The following KCNQ1 variants were observed in gnomAD, a reference collection of about 807,000 sequenced individuals.
The protein encoded by KCNQ1 is potassium voltage-gated channel subfamily Q member 1, also known as potassium voltage-gated channel subfamily KQT member 1.
A neutral mutation model predicts 72.4 loss-of-function variants in KCNQ1; 49 were observed. The observed-to-expected ratio is 0.68, with a 90% CI of 0.54 to 0.86. KCNQ1 has a LOEUF of 0.86. KCNQ1 is among the 40% of genes least tolerant of loss of function. The probability of loss-of-function intolerance (pLI) is 0.00; values close to 1 mark genes in which losing one functional copy is unlikely to be tolerated. For synonymous variants in KCNQ1, 450 were observed against 412.6 expected, an observed-to-expected ratio of 1.09 and a Z score of -1.10; for missense variants, 790 against 945.1, an observed-to-expected ratio of 0.84 and a Z score of 2.15.
At chr11:2,699,540 A>T in intron 11 of KCNQ1, 1 of 335,442 alleles carries the variant, frequency 3.0e-6, no homozygotes, top group East Asian at 4.9e-5. Flanking sequence ...GAGGAGGCCC[A>T]GGGAGGACCG....
chr11:2,530,845 G>A (rs1182511783), intron 2 of KCNQ1, among the ~76,000 whole-genome samples: 5 of 152,146 alleles, frequency 3.3e-5, no homozygotes, highest in Non-Finnish European at 2.9e-5. Flanking sequence ...GTGTCGCTGC[G>A]TGTGTGTACC....
intron 7 of KCNQ1, among the ~76,000 whole-genome samples, chr11:2,584,302 CAT>C (rs1189060481): frequency 1.6e-4 from 24 of 151,984 alleles, no homozygotes; most frequent in African/African-American, 4.1e-4. Flanking sequence ...GACATGTAGA[CAT>C]GTGTTAGTAT....
intron 8 of KCNQ1, among the ~76,000 whole-genome samples, chr11:2,586,844 G>A (rs1848599170): frequency 6.6e-6 from 1 of 152,108 alleles, no homozygotes; most frequent in African/African-American, 2.4e-5. Flanking sequence ...GGCCAGTGAT[G>A]ACAAGGCCAC....
At chr11:2,688,949 G>C (rs1487874704) in intron 11 of KCNQ1, 1 of 398,858 alleles carries the variant, frequency 2.5e-6, no homozygotes, top group Non-Finnish European at 4.4e-6. Context: ...CACCCACTGG[G>C]CCTAGGGCTC....
chr11:2,537,267 A>G lies in KCNQ1; in HGVS notation c.477+9249A>G, dbSNP rs542590293. On this transcript the variant is annotated intron_variant, in intron 2 of 15. Transcript: ENST00000155840. This position sits in a 1 kb window ranked among gnomAD's most constrained non-coding sequence, Gnocchi z 5.2. ...GCCTCTGGCTGCTTTGTGCCATGGC[A>G]GATTTGAGTCCTGCCATGGAGACCA... Among the ~76,000 whole-genome samples the G allele has an allele frequency of 6.6e-6, 1 of 152,112 alleles. No individual in the cohort carries two copies. Among genetic ancestry groups the G allele is most frequent in the African/African-American group, 2.4e-5 (1 of 41,406 alleles).
At position 2,803,966 on chromosome 11, in the gene KCNQ1, A is replaced by C. The variant is rs543413868; in HGVS notation, c.1794+25929A>C. On this transcript the variant is annotated intron_variant, in intron 15 of 15. Transcript: ENST00000155840. This position sits in a 1 kb window ranked among gnomAD's most constrained non-coding sequence, Gnocchi z 6.4. ...CGGCTCACACAGAGCCTTGGCCAGC[A>C]TGTGGCCGCAGCCCCAACTGCAGCG... 6.6e-6 allele frequency among the ~76,000 whole-genome samples: 1 copy of C among 151,796 alleles called. No individual in the cohort carries two copies. Among genetic ancestry groups the C allele is most frequent in the Non-Finnish European group, 1.5e-5 (1 of 67,982 alleles).
rs1380472106 is a variant in KCNQ1 at position 2,601,086 on chromosome 11, A to T, written c.1393+12232A>T. 9.2e-6 allele frequency among the ~76,000 whole-genome samples: 1 copy of T among 108,134 alleles called. No individual in the cohort carries two copies. The highest frequency in any genetic ancestry group is 1.6e-5 in the Non-Finnish European group (1 of 60,742). The allele number at this position is 108,134 out of a possible 152,430, so 70.9% of individuals were successfully genotyped here. Reference sequence around the variant, plus strand: ...CCATGCATATACCCTGCTACTTGTTAAAAAAAAAAAAAAAGTCTCTCCAGA... The same window carrying T: ...CCATGCATATACCCTGCTACTTGTTTAAAAAAAAAAAAAAGTCTCTCCAGA... On this transcript the variant is annotated intron_variant, in intron 10 of 15. Coordinates refer to ENST00000155840, the MANE Select transcript of KCNQ1 (RefSeq NM_000218.3). The surrounding 1 kb of genome is among the most constrained non-coding windows in gnomAD (Gnocchi z 5.2).
intron 11 of KCNQ1, chr11:2,667,682 G>A (rs988966622): frequency 5.0e-6 from 2 of 398,762 alleles, no homozygotes; most frequent in Non-Finnish European, 8.8e-6. Context: ...GGAGGCTGAA[G>A]CACGGAGGTG....
rs150172393 is a variant in KCNQ1 at position 2,570,733 on chromosome 11, C to T, written c.583C>T (p.Arg195Trp). 1.7e-5 allele frequency: 28 copies of T among 1,611,616 alleles called. No homozygotes were observed. The highest frequency in any genetic ancestry group is 2.2e-5 in the East Asian group (1 of 44,890). The change falls in exon 3 of 16, where the codon CGG (arginine) becomes TGG (tryptophan). Residue 195 changes from arginine to tryptophan, a missense_variant. Around this residue, in one of 5 missense-constraint regions of KCNQ1, gnomAD observed 294 missense variants for 323.3 expected, o/e 0.91. Coordinates refer to ENST00000155840, the MANE Select transcript of KCNQ1 (RefSeq NM_000218.3). ...VGLWGRLRFARKPISIIDLIV... is the reference protein window; with the variant it reads ...VGLWGRLRFAWKPISIIDLIV... ...CCTCTGGGGGCGGCTGCGCTTTGCC[C>T]GGAAGCCCATTTCCATCATCGGTGA...
rs933292891 is a variant in KCNQ1 at position 2,482,436 on chromosome 11, G to C, written c.386+36952G>C. Among the ~76,000 whole-genome samples the C allele has an allele frequency of 2.0e-5, 3 of 152,128 alleles. No individual in the cohort carries two copies. Among genetic ancestry groups the C allele is most frequent in the Non-Finnish European group, 4.4e-5 (3 of 68,038 alleles). On this transcript the variant is annotated intron_variant, in intron 1 of 15. Transcript: ENST00000155840. The surrounding 1 kb of genome is among the most constrained non-coding windows in gnomAD (Gnocchi z 5.7). The stretch of plus-strand genomic sequence containing the variant: ...CTGGGTTATTTCCTAATTGACTGCT[G>C]TAAATAGCATTGTGATGCAAATCCT...
At chr11:2,639,550 G>A (rs1849535562) in intron 10 of KCNQ1, 2 of 152,560 alleles carry the variant, frequency 1.3e-5, no homozygotes, top group Non-Finnish European at 2.9e-5. Context: ...ACCAAATGTT[G>A]CTGCCTGATT....
chr11:2,469,731 T>C (rs1039267769), intron 1 of KCNQ1, among the ~76,000 whole-genome samples: 1 of 151,952 alleles, frequency 6.6e-6, no homozygotes, highest in Non-Finnish European at 1.5e-5. Flanking sequence ...TGGAGTGCAG[T>C]GGCGCGATCT....
rs897572417 is a variant in KCNQ1, at chr11:2,848,287, G to A, written c.*284G>A. The A allele has an allele frequency of 2.2e-5, 14 of 640,076 alleles. 1 individual carries two copies. The highest frequency in any genetic ancestry group is 2.2e-5 in the Admixed American group (1 of 46,138). 39.6% of individuals were successfully genotyped at this position (640,076 alleles called of 1,614,324 possible). A position where few individuals can be genotyped will look rare whatever the true frequency, so the allele number is the denominator to read the frequency against. ...TGATGTTGACATCACTGGCATGGTGGTTGGGACCCAGTGGCAGGGCACAGG... is the reference window on the plus strand; with the variant it reads ...TGATGTTGACATCACTGGCATGGTGATTGGGACCCAGTGGCAGGGCACAGG... On this transcript the variant is annotated 3_prime_UTR_variant, in exon 16 of 16. Transcript: ENST00000155840.
intron 2 of KCNQ1, among the ~76,000 whole-genome samples, chr11:2,556,763 A>G (rs1848076540): frequency 1.3e-5 from 2 of 152,198 alleles, no homozygotes; most frequent in Non-Finnish European, 2.9e-5. Flanking sequence ...GGAGCCCACT[A>G]CAGTGGACAC....
rs976611480 is a variant in KCNQ1, at chr11:2,613,242, A to G, written c.1393+24388A>G. On this transcript the variant is annotated intron_variant, in intron 10 of 15. Transcript: ENST00000155840. The surrounding 1 kb of genome is among the most constrained non-coding windows in gnomAD (Gnocchi z 4.8). ...CAAAAGGTCTCACAGTCAGCCAAGG[A>G]TAAGTAGATAGCAGGAAACCTCTCT... 2 of 398,450 alleles carry G rather than the reference A, an allele frequency of 5.0e-6. No individual in the cohort carries two copies. Among genetic ancestry groups the G allele is most frequent in the Non-Finnish European group, 8.8e-6 (2 of 226,072 alleles). 24.7% of individuals were successfully genotyped at this position (398,450 alleles called of 1,614,324 possible).
chr11:2,770,258 G>C lies in KCNQ1; in HGVS notation c.1590+1339G>C, dbSNP rs112779971. Among the ~76,000 whole-genome samples the C allele has an allele frequency of 6.6e-3, 1,010 of 152,292 alleles. 10 individuals are homozygous for C. Among genetic ancestry groups the C allele is most frequent in the African/African-American group, 0.023 (956 of 41,558 alleles). ...CCTCAGCCTCCAGACTTCACAGGGCGGTCTGGGTGCAGACCCTGGCACAGG... is the reference window on the plus strand; with the variant it reads ...CCTCAGCCTCCAGACTTCACAGGGCCGTCTGGGTGCAGACCCTGGCACAGG... On this transcript the variant is annotated intron_variant, in intron 12 of 15. Coordinates refer to ENST00000155840, the MANE Select transcript of KCNQ1 (RefSeq NM_000218.3).
At chr11:2,684,767 G>C in intron 11 of KCNQ1, 1 of 398,648 alleles carries the variant, frequency 2.5e-6, no homozygotes. Context: ...AGGGAGGACT[G>C]CCTCCCAGCC....
rs932573538 is a variant in KCNQ1, at chr11:2,479,546, C to T, written c.386+34062C>T. Among the ~76,000 whole-genome samples, 13 of 152,168 alleles carry T rather than the reference C, an allele frequency of 8.5e-5. No individual in the cohort carries two copies. The highest frequency in any genetic ancestry group is 3.3e-4 in the Admixed American group (5 of 15,284). On this transcript the variant is annotated intron_variant, in intron 1 of 15. Transcript: ENST00000155840. The surrounding 1 kb of genome is among the most constrained non-coding windows in gnomAD (Gnocchi z 4.6). ...TGACACCTTTTAGCTATGGCTAGAG[C>T]GGCTGGGACACAGGGCACCAAGTCC...
chr11:2,792,422 G>C (rs765536455), intron 15 of KCNQ1, among the ~76,000 whole-genome samples: 1 of 152,170 alleles, frequency 6.6e-6, no homozygotes, highest in Non-Finnish European at 1.5e-5. Context: ...AGTGGCCTCT[G>C]CTCTCAGGAA....
Sources: gnomAD v4.1 joint callset for allele counts (sites outside exome capture counted in the v4.1 genomes callset) on GRCh38, gnomAD v4.1.1 for gene constraint, gnomAD v4.1.1 regional missense constraint, Gnocchi (gnomAD v3.1) non-coding constraint, MANE v1.5 for transcripts, NCBI Gene and HGNC (gene_info 2026-07-23, HGNC 2026-07-21) for gene names.